The following P3H2 variants were observed in gnomAD, a reference collection of about 807,000 sequenced individuals.
P3H2 encodes the protein leprecan-like 1.
Under a neutral mutation model 87.0 loss-of-function variants are expected in P3H2, and 80 were observed. The ratio of observed to expected loss-of-function variants is 0.92; its 90% confidence interval spans 0.77 to 1.11. The LOEUF (loss-of-function observed/expected upper bound fraction) is 1.11, where lower values mean the gene tolerates loss of function less well. P3H2 is among the 50% of genes least tolerant of loss of function. The probability of loss-of-function intolerance (pLI) is 0.00; values close to 1 mark genes in which losing one functional copy is unlikely to be tolerated. For missense variants in P3H2, 1,001 were observed against 923.9 expected, an observed-to-expected ratio of 1.08 and a Z score of -1.08; for synonymous variants, 367 against 359.3, an observed-to-expected ratio of 1.02 and a Z score of -0.24.
chr3:189,965,064 C>CA (rs57588036), intron 13 of P3H2, among the ~76,000 whole-genome samples: 55 of 151,392 alleles, frequency 3.6e-4, no homozygotes, highest in African/African-American at 1.2e-3. Context: ...AAAGTAAAAC[C>CA]AAAAAAAAGT....
At chr3:190,015,483 G>A (rs199801200) in intron 1 of P3H2, among the ~76,000 whole-genome samples, 1 of 152,080 alleles carries the variant, frequency 6.6e-6, no homozygotes, top group South Asian at 2.1e-4. Context: ...TCCAACCCAC[G>A]GTTTTCCCTT....
At chr3:190,112,754 A>G (rs1712122032) in intron 1 of P3H2, among the ~76,000 whole-genome samples, 1 of 151,024 alleles carries the variant, frequency 6.6e-6, no homozygotes, top group Non-Finnish European at 1.5e-5. Flanking sequence ...ACACACATAC[A>G]ACACTAGGAA....
intron 1 of P3H2, among the ~76,000 whole-genome samples, chr3:190,046,302 T>C (rs1725802430): frequency 6.6e-6 from 1 of 152,194 alleles, no homozygotes; most frequent in Non-Finnish European, 1.5e-5. Flanking sequence ...ATCACACTTA[T>C]TTTGAATAAA....
intron 1 of P3H2, among the ~76,000 whole-genome samples, chr3:190,112,326 G>A (rs60026524): frequency 0.13 from 19,615 of 152,204 alleles, 1,412 homozygotes; most frequent in Middle Eastern, 0.22. Context: ...TGTGGCAGAC[G>A]GGCAGTGGCA....
At chr3:190,093,305 G>A (rs569682262) in intron 1 of P3H2, among the ~76,000 whole-genome samples, 1 of 152,210 alleles carries the variant, frequency 6.6e-6, no homozygotes, top group East Asian at 1.9e-4. Flanking sequence ...AGACAGTTGA[G>A]GAAAAGAATG....
At chr3:189,996,801 T>C (rs761778492) in intron 1 of P3H2, among the ~76,000 whole-genome samples, 19 of 152,152 alleles carry the variant, frequency 1.2e-4, no homozygotes, top group Non-Finnish European at 2.5e-4. Flanking sequence ...ATTATTCCAA[T>C]GCATAAAGAT....
chr3:190,046,340 C>G (rs1430026784), intron 1 of P3H2, among the ~76,000 whole-genome samples: 2 of 152,144 alleles, frequency 1.3e-5, no homozygotes, highest in Non-Finnish European at 2.9e-5. Flanking sequence ...ATGCCAAACA[C>G]CAAAGGGGTA....
chr3:190,011,656 C>T (rs889943701), intron 1 of P3H2, among the ~76,000 whole-genome samples: 2 of 152,116 alleles, frequency 1.3e-5, no homozygotes, highest in Middle Eastern at 3.2e-3. Flanking sequence ...ATCTTAATTT[C>T]GTCAAGCAGA....
chr3:190,095,373 G>T (rs1428573498), intron 1 of P3H2, among the ~76,000 whole-genome samples: 1 of 112,618 alleles, frequency 8.9e-6, no homozygotes, highest in Non-Finnish European at 1.7e-5. Flanking sequence ...AAAATGTTAA[G>T]CAATGAACCT....
chr3:190,012,253 G>C (rs1361692712), intron 1 of P3H2, among the ~76,000 whole-genome samples: 2 of 142,020 alleles, frequency 1.4e-5, no homozygotes, highest in Non-Finnish European at 3.0e-5. Context: ...GTGGGGGGCG[G>C]GGGACATATT....
At chr3:190,014,745 A>G (rs977810016) in intron 1 of P3H2, among the ~76,000 whole-genome samples, 1 of 152,022 alleles carries the variant, frequency 6.6e-6, no homozygotes, top group Non-Finnish European at 1.5e-5. Flanking sequence ...TGGCCTTAGC[A>G]TGGAAGCCTC....
intron 2 of P3H2, 32 bp downstream of exon 2, chr3:189,995,258 C>T: frequency 6.2e-7 from 1 of 1,612,498 alleles, no homozygotes; most frequent in Non-Finnish European, 8.5e-7. Flanking sequence ...ACTTAGCTCC[C>T]TGTGGTGAGG....
At chr3:190,088,360 G>T (rs1325415506) in intron 1 of P3H2, among the ~76,000 whole-genome samples, 1 of 152,178 alleles carries the variant, frequency 6.6e-6, no homozygotes, top group Admixed American at 6.5e-5. Context: ...GGGAGAGAAG[G>T]CAGGTTATTC....
At chr3:190,081,627 G>A (rs556629374) in intron 1 of P3H2, among the ~76,000 whole-genome samples, 6 of 152,244 alleles carry the variant, frequency 3.9e-5, no homozygotes, top group South Asian at 4.1e-4. Context: ...AGTGACTACC[G>A]TTCCAGTCTG....
rs530871257 is a variant in P3H2 at position 190,120,602 on chromosome 3, A to G, written c.130T>C (p.Phe44Leu). The part of the protein sequence containing the change: ...LELEPGPLQP[F>L]DLLYASGAAA... ...GCGCCGCTGGCGTAGAGCAGGTCGAAGGGCTGCAGAGGCCCGGGCTCCAGC... is the reference window on the plus strand; with the variant it reads ...GCGCCGCTGGCGTAGAGCAGGTCGAGGGGCTGCAGAGGCCCGGGCTCCAGC... Residue 44 changes from phenylalanine (F) to leucine (L), a missense_variant, in exon 1 of 15, where the codon TTC (phenylalanine) becomes CTC (leucine). Coordinates refer to ENST00000319332, the MANE Select transcript of P3H2 (RefSeq NM_018192.4). 64 of 1,544,690 alleles carry G rather than the reference A, an allele frequency of 4.1e-5. No individual in the cohort carries two copies. Among genetic ancestry groups the G allele is most frequent in the South Asian group, 8.3e-5 (7 of 84,128 alleles).
At chr3:190,011,799 T>C (rs1393511394) in intron 1 of P3H2, among the ~76,000 whole-genome samples, 1 of 152,176 alleles carries the variant, frequency 6.6e-6, no homozygotes, top group Non-Finnish European at 1.5e-5. Flanking sequence ...AATGCAAACA[T>C]GCTCATGATA....
intron 1 of P3H2, among the ~76,000 whole-genome samples, chr3:190,072,765 C>T (rs144324565): frequency 2.4e-4 from 36 of 152,180 alleles, no homozygotes; most frequent in African/African-American, 8.2e-4. Context: ...ATAATTCAAA[C>T]AACTGTTTAA....
At chr3:190,076,402 T>C (rs1476123591) in intron 1 of P3H2, among the ~76,000 whole-genome samples, 4 of 152,146 alleles carry the variant, frequency 2.6e-5, no homozygotes, top group East Asian at 1.9e-4. Context: ...AATGGAACAC[T>C]GGGCAATTCT....
rs999469552 is a variant in P3H2, at chr3:190,041,228, T to C, written c.481-45786A>G. ...TTAAGGCTGCAGTAAGCCAAGATTG[T>C]GCCATTGCACTCCAGCCTGGGCAAC... is the stretch of plus-strand genomic sequence containing the variant. On this transcript the variant is annotated intron_variant, in intron 1 of 14. Transcript: ENST00000319332. Among the ~76,000 whole-genome samples, 7 of 138,340 alleles carry C rather than the reference T, an allele frequency of 5.1e-5. No homozygotes were observed. In the East Asian group the frequency reaches 8.5e-4, roughly 17 times the overall value. 90.8% of individuals were successfully genotyped at this position (138,340 alleles called of 152,430 possible).
Sources: gnomAD v4.1 joint callset for allele counts (sites outside exome capture counted in the v4.1 genomes callset) on GRCh38, gnomAD v4.1.1 for gene constraint, MANE v1.5 for transcripts, NCBI Gene and HGNC (gene_info 2026-07-23, HGNC 2026-07-21) for gene names.